SUMF1: variants seen among roughly 807,000 people sequenced by gnomAD.
The protein encoded by SUMF1 is formylglycine-generating enzyme.
SUMF1 carries 48 observed loss-of-function variants against 47.6 expected under a neutral mutation model. That is an observed-to-expected ratio of 1.01 (90% CI 0.80 to 1.28). SUMF1 has a LOEUF of 1.28. SUMF1 is among the 50% of genes most tolerant of loss of function. The pLI is 0.00. For missense variants in SUMF1, 571 were observed against 485.4 expected (o/e 1.18, Z -1.66); for synonymous variants, 230 against 192.1 (o/e 1.20, Z -1.63).
chr3:4,344,255 C>T (rs1041830383), intron 8 of SUMF1, among the ~76,000 whole-genome samples: 5 of 151,708 alleles, frequency 3.3e-5, no homozygotes, highest in African/African-American at 1.2e-4. Context: ...CCCTGAGAGC[C>T]ACACGGGGAA....
chr3:4,226,327 T>C (rs1696174770), intron 8 of SUMF1, among the ~76,000 whole-genome samples: 1 of 142,842 alleles, frequency 7.0e-6, no homozygotes, highest in South Asian at 2.3e-4. Context: ...TGGAGTGCAG[T>C]AGCATGATCT....
At chr3:4,082,932 C>G (rs555531468) in intron 8 of SUMF1, among the ~76,000 whole-genome samples, 17 of 152,242 alleles carry the variant, frequency 1.1e-4, no homozygotes, top group Non-Finnish European at 1.8e-4. Context: ...AAGTGCCCAG[C>G]AGATAAACGA....
At chr3:4,377,547 T>C (rs1174383378) in intron 7 of SUMF1, among the ~76,000 whole-genome samples, 1 of 152,166 alleles carries the variant, frequency 6.6e-6, no homozygotes, top group Non-Finnish European at 1.5e-5. Flanking sequence ...AATTAGGCAA[T>C]GCTTAAAAGG....
At chr3:4,122,254 GAAT>G (rs1693562241) in intron 8 of SUMF1, among the ~76,000 whole-genome samples, 1 of 152,204 alleles carries the variant, frequency 6.6e-6, no homozygotes, top group African/African-American at 2.4e-5. Flanking sequence ...CCGTATAACA[GAAT>G]ATTATTTCAG....
At chr3:4,126,307 A>T (rs1693653631) in intron 8 of SUMF1, among the ~76,000 whole-genome samples, 1 of 151,560 alleles carries the variant, frequency 6.6e-6, no homozygotes, top group Non-Finnish European at 1.5e-5. Flanking sequence ...CAAGTTTAAA[A>T]ATAATATTTC....
intron 8 of SUMF1, among the ~76,000 whole-genome samples, chr3:4,175,938 A>G (rs1057241112): frequency 6.6e-6 from 1 of 152,192 alleles, no homozygotes; most frequent in Non-Finnish European, 1.5e-5. Flanking sequence ...AAAGGGTATC[A>G]GTGAATGAAG....
At chr3:4,417,362 A>AAT (rs960277310) in intron 5 of SUMF1, 120 bp from the exon 6 acceptor site, 18 of 683,230 alleles carry the variant, frequency 2.6e-5, no homozygotes, top group Non-Finnish European at 4.1e-5. Flanking sequence ...AGCCAGTTAA[A>AAT]ATATATATAT....
At chr3:4,451,282 A>C (rs1240917326) in intron 2 of SUMF1, among the ~76,000 whole-genome samples, 2 of 152,166 alleles carry the variant, frequency 1.3e-5, no homozygotes, top group Admixed American at 6.5e-5. Context: ...CTGCAACAAC[A>C]AAAATATGAT....
chr3:4,148,834 T>G (rs1694253655), intron 8 of SUMF1, among the ~76,000 whole-genome samples: 1 of 152,092 alleles, frequency 6.6e-6, no homozygotes, highest in East Asian at 1.9e-4. Context: ...TCACCAAATC[T>G]CACATTTGGA....
At chr3:4,420,608 G>C (rs1232445637) in intron 3 of SUMF1, among the ~76,000 whole-genome samples, 1 of 152,058 alleles carries the variant, frequency 6.6e-6, no homozygotes, top group East Asian at 1.9e-4. Context: ...CTGTTAGCCA[G>C]GATGGTCTCG....
chr3:4,313,879 G>A, intron 8 of SUMF1: 1 of 1,522,014 alleles, frequency 6.6e-7, no homozygotes, highest in Non-Finnish European at 8.8e-7. Flanking sequence ...GAGACTGCAA[G>A]TTGTCCATCA....
chr3:4,379,110 C>T (rs952416749), intron 7 of SUMF1, among the ~76,000 whole-genome samples: 3 of 152,164 alleles, frequency 2.0e-5, no homozygotes, highest in African/African-American at 7.2e-5. Flanking sequence ...TGCTAGCAAA[C>T]AACATGATAA....
At chr3:4,093,527 A>G (rs991102625) in intron 8 of SUMF1, among the ~76,000 whole-genome samples, 2 of 152,126 alleles carry the variant, frequency 1.3e-5, no homozygotes, top group Non-Finnish European at 2.9e-5. Flanking sequence ...TTCTAAGTCT[A>G]AAAGAATGAG....
At chr3:4,442,638 G>GAAAAAAAAAAAAAAAAAAAAAAA (rs61296884) in intron 3 of SUMF1, among the ~76,000 whole-genome samples, 6 of 61,304 alleles carry the variant, frequency 9.8e-5, no homozygotes, top group Admixed American at 1.9e-4. Context: ...AGAGAAAAAG[G>GAAAAAAAAAAAAAAAAAAAAAAA]AAAAAAAAAA....
At chr3:4,423,849 T>C (rs986984330) in intron 3 of SUMF1, among the ~76,000 whole-genome samples, 6 of 152,212 alleles carry the variant, frequency 3.9e-5, no homozygotes, top group African/African-American at 1.2e-4. Flanking sequence ...CAAAAGTGTA[T>C]GGCGCCTCCC....
At position 4,410,894 on chromosome 3, in the gene SUMF1, G is replaced by T. The variant is rs755056347; in HGVS notation, c.925C>A (p.His309Asn). Residue 309 changes from histidine to asparagine, a missense_variant, in exon 7 of 9, where the codon CAT becomes AAT. Physicochemically the swap from His to Asn is moderately conservative, Grantham distance 68. Coordinates refer to ENST00000272902, the MANE Select transcript of SUMF1 (RefSeq NM_182760.4). ...TTAAGCGTTTCTTCAACAGAATGAT[G>T]AACAGTCCACCAGTCTGAAGTCCAT... ...WEWTSDWWTVHHSVEETLNPK... is the reference protein window; with the variant it reads ...WEWTSDWWTVNHSVEETLNPK... 6.2e-7 allele frequency: 1 copy of T among 1,614,062 alleles called. No homozygotes were observed. Among genetic ancestry groups the T allele is most frequent in the South Asian group, 1.1e-5 (1 of 91,080 alleles).
chr3:4,330,028 T>A (rs984356693), intron 8 of SUMF1, among the ~76,000 whole-genome samples: 1 of 152,196 alleles, frequency 6.6e-6, no homozygotes, highest in Admixed American at 6.5e-5. Context: ...TCTTTGCTAA[T>A]GTGTAACAAG....
chr3:4,407,918 C>T (rs1435933666), intron 7 of SUMF1, among the ~76,000 whole-genome samples: 1 of 152,068 alleles, frequency 6.6e-6, no homozygotes, highest in East Asian at 1.9e-4. Flanking sequence ...AGAACTATAC[C>T]CAGGGGGAAC....
chr3:4,417,877 G>A (rs1042996290), intron 5 of SUMF1, 133 bp downstream of exon 5: 65 of 1,507,076 alleles, frequency 4.3e-5, no homozygotes, highest in Middle Eastern at 4.7e-4. Flanking sequence ...AAGTAATTTC[G>A]TGGAAAAATA....
Sources: gnomAD v4.1 joint callset for allele counts (sites outside exome capture counted in the v4.1 genomes callset) on GRCh38, gnomAD v4.1.1 for gene constraint, MANE v1.5 for transcripts, NCBI Gene and HGNC (gene_info 2026-07-23, HGNC 2026-07-21) for gene names.